Variants in SLC25A43 observed in about 807,000 individuals in gnomAD.
SLC25A43 encodes solute carrier family 25 member 43, also known as solute carrier family 25, member 43.
A neutral mutation model predicts 22.8 loss-of-function variants in SLC25A43; 10 were observed. That is an observed-to-expected ratio of 0.44 (90% CI 0.27 to 0.74). The LOEUF (loss-of-function observed/expected upper bound fraction) is 0.74, where lower values mean the gene tolerates loss of function less well. Among genes scored for constraint, SLC25A43 ranks in the 30% least tolerant of loss-of-function variants. The pLI is 0.17. For missense variants in SLC25A43, 233 were observed against 279.1 expected, an observed-to-expected ratio of 0.83 and a Z score of 1.18; for synonymous variants, 106 against 121.6, an observed-to-expected ratio of 0.87 and a Z score of 0.84.
intron 1 of SLC25A43, among the ~76,000 whole-genome samples, chrX:119,402,437 C>T (rs896856997): frequency 3.6e-5 from 4 of 111,675 alleles, no homozygotes; most frequent in South Asian, 3.8e-4. Flanking sequence ...AAGACCCCCC[C>T]GCCCTGGAAC....
In SLC25A43 at chrX:119,452,006, C is replaced by A; in HGVS notation, c.691-3C>A. The A allele has an allele frequency of 1.7e-6, 2 of 1,210,895 alleles. No individual in the cohort carries two copies. Among genetic ancestry groups the A allele is most frequent in the South Asian group, 3.5e-5 (2 of 56,900 alleles). On this transcript the variant is annotated splice_region_variant and splice_polypyrimidine_tract_variant and intron_variant, in intron 3 of 4. Coordinates refer to ENST00000217909, the MANE Select transcript of SLC25A43 (RefSeq NM_145305.3). ...CCTCATCCCAGCTTCTGTTTCCTGT[C>A]AGGCTCAGAGCCCCTACCTCCCACA...
chrX:119,416,287 T>C (rs1239763589), intron 3 of SLC25A43, among the ~76,000 whole-genome samples: 1 of 110,353 alleles, frequency 9.1e-6, no homozygotes, highest in East Asian at 2.8e-4. Flanking sequence ...TGGCGTGATC[T>C]CAGCTCACTG....
At chrX:119,422,073 A>G (rs12862068) in intron 3 of SLC25A43, among the ~76,000 whole-genome samples, 11,062 of 109,983 alleles carry the variant, frequency 0.1, 738 homozygotes, top group African/African-American at 0.24. Flanking sequence ...GCACTACCAC[A>G]CCCAGCTAAT....
chrX:119,435,457 C>CTTTTTT (rs1175233726), intron 3 of SLC25A43, among the ~76,000 whole-genome samples: 117 of 54,652 alleles, frequency 2.1e-3, no homozygotes, highest in East Asian at 7.2e-3. Context: ...AGATTTTATT[C>CTTTTTT]TTTTTTTTTT....
chrX:119,441,264 C>G (rs2052619738), intron 3 of SLC25A43, among the ~76,000 whole-genome samples: 1 of 71,704 alleles, frequency 1.4e-5, no homozygotes, highest in Non-Finnish European at 2.6e-5. Flanking sequence ...TTCTTTGACT[C>G]GGAAAGGGAA....
Position 119,452,064 on chromosome X carries a change from C to G in SLC25A43, c.746C>G (p.Ala249Gly). The G allele has an allele frequency of 8.3e-7, 1 of 1,210,924 alleles. No individual in the cohort carries two copies. The highest frequency in any genetic ancestry group is 1.1e-6 in the Non-Finnish European group (1 of 895,034). The change falls in exon 4 of 5, where the codon GCA becomes GGA. Residue 249 changes from alanine to glycine, a missense_variant. Coordinates refer to ENST00000217909, the MANE Select transcript of SLC25A43 (RefSeq NM_145305.3). ...SGGVDVHFSG[A>G]VDCFRQIVKA... The stretch of plus-strand genomic sequence containing the variant: ...GGAGTAGATGTCCATTTCTCAGGAG[C>G]AGTGGACTGCTTCCGGCAGATAGTG...
At chrX:119,445,038 CAAAAAAAAAAAAAAAAA>C (rs780253357) in intron 3 of SLC25A43, among the ~76,000 whole-genome samples, 3 of 35,530 alleles carry the variant, frequency 8.4e-5, no homozygotes, top group African/African-American at 2.0e-4. Context: ...ACCCTGTCTC[CAAAAAAAAAAAAAAAAA>C]AAAAAAAAAA....
intron 3 of SLC25A43, among the ~76,000 whole-genome samples, chrX:119,445,811 G>A (rs1173687107): frequency 9.0e-6 from 1 of 111,147 alleles, no homozygotes; most frequent in East Asian, 2.8e-4. Flanking sequence ...AAGTAATCAA[G>A]TCCTTGGAGA....
chrX:119,444,055 A>T (rs1051780922), intron 3 of SLC25A43, among the ~76,000 whole-genome samples: 2 of 111,612 alleles, frequency 1.8e-5, no homozygotes, highest in Non-Finnish European at 1.9e-5. Context: ...GCACCCAGCC[A>T]TTCTATATTT....
At chrX:119,421,020 G>A (rs1462738583) in intron 3 of SLC25A43, among the ~76,000 whole-genome samples, 1 of 108,144 alleles carries the variant, frequency 9.2e-6, no homozygotes, top group African/African-American at 3.4e-5. Flanking sequence ...GCTGAGGCGG[G>A]AGGATCGCTT....
intron 3 of SLC25A43, among the ~76,000 whole-genome samples, chrX:119,416,432 G>C (rs1218192066): frequency 1.8e-5 from 2 of 111,820 alleles, no homozygotes; most frequent in African/African-American, 6.5e-5. Context: ...TGTTAGCCAG[G>C]CTGGTCTCGA....
At chrX:119,446,526 T>C (rs1262840667) in intron 3 of SLC25A43, among the ~76,000 whole-genome samples, 2 of 112,692 alleles carry the variant, frequency 1.8e-5, no homozygotes, top group African/African-American at 6.4e-5. Flanking sequence ...ATGGACTACA[T>C]GTGTAATATT....
chrX:119,428,264 G>A (rs774337091), intron 3 of SLC25A43, among the ~76,000 whole-genome samples: 2 of 111,612 alleles, frequency 1.8e-5, no homozygotes, highest in South Asian at 7.5e-4. Context: ...AGACCAGTCT[G>A]GCCAACATGG....
chrX:119,426,186 G>A (rs1002091138), intron 3 of SLC25A43: 4 of 753,666 alleles, frequency 5.3e-6, no homozygotes, highest in Non-Finnish European at 6.3e-6. Flanking sequence ...CCACAGAGCT[G>A]TTGCTTATTT....
chrX:119,431,785 C>A (rs1455301292), intron 3 of SLC25A43, among the ~76,000 whole-genome samples: 2 of 111,283 alleles, frequency 1.8e-5, no homozygotes, highest in African/African-American at 6.5e-5. Flanking sequence ...GACTGGCTTG[C>A]TGGCTGGGAG....
At chrX:119,420,512 T>C (rs2052442803) in intron 3 of SLC25A43, among the ~76,000 whole-genome samples, 1 of 110,454 alleles carries the variant, frequency 9.1e-6, no homozygotes, top group Non-Finnish European at 1.9e-5. Flanking sequence ...CTCCTTATGT[T>C]GCCTAGGCTG....
chrX:119,412,161 A>G (rs2052355620), intron 3 of SLC25A43, among the ~76,000 whole-genome samples: 1 of 111,381 alleles, frequency 9.0e-6, no homozygotes, highest in Non-Finnish European at 1.9e-5. Flanking sequence ...AAACAGCCTG[A>G]AGGTGCTTAT....
chrX:119,450,249 CA>C (rs1402847061), intron 3 of SLC25A43, among the ~76,000 whole-genome samples: 32 of 111,309 alleles, frequency 2.9e-4, no homozygotes, highest in Non-Finnish European at 1.5e-4. Context: ...TCCTGGTTAT[CA>C]GTGCCAAATA....
chrX:119,435,739 G>C (rs1390592944), intron 3 of SLC25A43, among the ~76,000 whole-genome samples: 3 of 25,632 alleles, frequency 1.2e-4, no homozygotes, highest in African/African-American at 3.7e-4. Context: ...TTGTTCTTGC[G>C]ATAGTTTACT....
Sources: gnomAD v4.1 joint callset for allele counts (sites outside exome capture counted in the v4.1 genomes callset) on GRCh38, gnomAD v4.1.1 for gene constraint, MANE v1.5 for transcripts, NCBI Gene and HGNC (gene_info 2026-07-23, HGNC 2026-07-21) for gene names.